Variants in HAUS6 observed in about 807,000 individuals in gnomAD.
HAUS6 encodes the protein HAUS augmin like complex subunit 6, also known as HAUS augmin-like complex subunit 6.
Under a neutral mutation model 106.8 loss-of-function variants are expected in HAUS6, and 80 were observed. The ratio of observed to expected loss-of-function variants is 0.75; its 90% CI spans 0.63 to 0.90. The LOEUF (loss-of-function observed/expected upper bound fraction) is 0.90, where lower values mean the gene tolerates loss of function less well. Among genes scored for constraint, HAUS6 ranks in the 40% least tolerant of loss-of-function variants. The probability of loss-of-function intolerance (pLI) is 0.00; values close to 1 mark genes in which losing one functional copy is unlikely to be tolerated. For missense variants in HAUS6, 1,155 were observed against 1,118.1 expected (o/e 1.03, Z -0.47); for synonymous variants, 356 against 379.1 (o/e 0.94, Z 0.71).
chr9:19,053,762 C>T lies in HAUS6; in HGVS notation c.*2581G>A, dbSNP rs1461593766. On this transcript the variant is annotated 3_prime_UTR_variant, in exon 17 of 17. Transcript: ENST00000380502. ...TAGAGTAATAAATTAGCCCTCTTTACCATTTATTCCATGATATAGGAGGCA... is the reference window on the plus strand; with the variant it reads ...TAGAGTAATAAATTAGCCCTCTTTATCATTTATTCCATGATATAGGAGGCA... The T allele has an allele frequency of 6.6e-6, 1 of 152,090 alleles. No individual in the cohort carries two copies. Among genetic ancestry groups the T allele is most frequent in the Non-Finnish European group, 1.5e-5 (1 of 67,994 alleles). 9.4% of individuals were successfully genotyped at this position (152,090 alleles called of 1,614,324 possible). A position where few individuals can be genotyped will look rare whatever the true frequency, so the allele number is the denominator to read the frequency against.
intron 2 of HAUS6, among the ~76,000 whole-genome samples, chr9:19,094,869 AT>A (rs1247136585): frequency 6.6e-6 from 1 of 152,106 alleles, no homozygotes; most frequent in African/African-American, 2.4e-5. Context: ...GAGAAATTTA[AT>A]TTTTTTATTT....
chr9:19,073,612 C>A (rs1443331738), intron 11 of HAUS6, among the ~76,000 whole-genome samples: 1 of 150,160 alleles, frequency 6.7e-6, no homozygotes, highest in Non-Finnish European at 1.5e-5. Flanking sequence ...CACAACACAA[C>A]CCTAAGAGCT....
At chr9:19,072,648 TA>T (rs1335608741) in intron 11 of HAUS6, among the ~76,000 whole-genome samples, 1 of 152,148 alleles carries the variant, frequency 6.6e-6, no homozygotes, top group Admixed American at 6.6e-5. Context: ...TATATCCAAC[TA>T]AACTATCATT....
At position 19,066,491 on chromosome 9, in the gene HAUS6, C is replaced by A. The variant is rs1240938012; in HGVS notation, c.1377-2911G>T. On this transcript the variant is annotated intron_variant, in intron 12 of 16. Transcript: ENST00000380502. Reference sequence around the variant, plus strand: ...TGCAAGATCATACTGCCCTCCTTATCTTTGAAATGTGGTATAGGAGAAAAC... The same window carrying A: ...TGCAAGATCATACTGCCCTCCTTATATTTGAAATGTGGTATAGGAGAAAAC... 3.3e-5 allele frequency among the ~76,000 whole-genome samples: 5 copies of A among 152,228 alleles called. 1 individual carries two copies. In the East Asian group the frequency reaches 9.7e-4, roughly 29 times the overall value.
At chr9:19,066,118 T>C (rs1384395794) in intron 12 of HAUS6, among the ~76,000 whole-genome samples, 1 of 151,784 alleles carries the variant, frequency 6.6e-6, no homozygotes, top group Non-Finnish European at 1.5e-5. Flanking sequence ...GTAGTTTTAA[T>C]AGGGACAGGG....
At chr9:19,096,516 G>C (rs1254928933) in intron 2 of HAUS6, among the ~76,000 whole-genome samples, 158 bp downstream of exon 2, 1 of 123,418 alleles carries the variant, frequency 8.1e-6, no homozygotes, top group South Asian at 2.6e-4. Flanking sequence ...AGTGAGCCTA[G>C]ATCACGCCAC....
intron 7 of HAUS6, among the ~76,000 whole-genome samples, chr9:19,085,421 T>C (rs947781729): frequency 1.3e-5 from 2 of 152,142 alleles, no homozygotes; most frequent in East Asian, 1.9e-4. Context: ...GTTCTCCTCA[T>C]TGTTGTAGCC....
intron 1 of HAUS6, among the ~76,000 whole-genome samples, chr9:19,097,013 A>G (rs1448957964): frequency 6.6e-6 from 1 of 152,176 alleles, no homozygotes; most frequent in Non-Finnish European, 1.5e-5. Context: ...TAATGAAAAC[A>G]CTCTACAGAA....
At chr9:19,085,756 A>G (rs920995807) in intron 7 of HAUS6, among the ~76,000 whole-genome samples, 1 of 152,048 alleles carries the variant, frequency 6.6e-6, no homozygotes, top group African/African-American at 2.4e-5. Flanking sequence ...TTCCTTTCAT[A>G]CTTAACATCT....
intron 8 of HAUS6, among the ~76,000 whole-genome samples, chr9:19,081,526 G>A (rs574297668): frequency 6.6e-5 from 10 of 151,722 alleles, no homozygotes; most frequent in South Asian, 4.2e-4. Context: ...TGCAGCCTCC[G>A]ACCCAAGCAT....
At position 19,094,311 on chromosome 9, in the gene HAUS6, A is replaced by T; in HGVS notation, c.303+6T>A. ...GTCTGTATCTTCTAACAAAAAGAAT[A>T]CTTACAGAAATCCTTTTTATCCATT... On this transcript the variant is annotated splice_donor_region_variant and intron_variant, in intron 3 of 16. Coordinates refer to ENST00000380502, the MANE Select transcript of HAUS6 (RefSeq NM_017645.5). The T allele has an allele frequency of 6.5e-7, 1 of 1,533,652 alleles. No individual in the cohort carries two copies. The highest frequency in any genetic ancestry group is 9.0e-7 in the Non-Finnish European group (1 of 1,112,444).
chr9:19,058,930 T>C lies in HAUS6; in HGVS notation c.1837A>G (p.Met613Val), dbSNP rs1405735188. The change falls in exon 16 of 17, where the codon ATG becomes GTG. Residue 613 changes from methionine (M) to valine (V), a missense_variant. This residue lies in a region of HAUS6 where 14 missense variants were observed against 33.2 expected (regional missense o/e 0.42). Transcript: ENST00000380502. ...AATACTTCTCTATGTTCAGCATCCA[T>C]TTGAATTGGTTCTTTAGTTCTGTTT... Reference protein sequence around the residue: ...EENRTKEPIQMDAEHREVLPE... With the variant: ...EENRTKEPIQVDAEHREVLPE... 6.3e-7 allele frequency: 1 copy of C among 1,597,382 alleles called. No individual in the cohort carries two copies. Among genetic ancestry groups the C allele is most frequent in the Admixed American group, 1.7e-5 (1 of 59,984 alleles).
intron 4 of HAUS6, among the ~76,000 whole-genome samples, chr9:19,090,390 A>T (rs1432651596): frequency 6.6e-6 from 1 of 152,038 alleles, no homozygotes; most frequent in Non-Finnish European, 1.5e-5. Flanking sequence ...TTTGAGACGG[A>T]GTCTCCCTCA....
chr9:19,084,893 A>G (rs1352687687), intron 7 of HAUS6, among the ~76,000 whole-genome samples: 6 of 151,746 alleles, frequency 4.0e-5, no homozygotes, highest in East Asian at 1.9e-4. Context: ...CGGCCTCCCA[A>G]AGTGCTCACA....
rs2131095093 is a variant in HAUS6, at chr9:19,058,247, C to A, written c.2520G>T (p.Leu840=). The change falls in exon 16 of 17, where the codon CTG becomes CTT. Residue 840 remains leucine, a synonymous_variant. Transcript: ENST00000380502. ...CCCTTTTCTTGGAAAGAGATTTCTT[C>A]AGAGCCTCGTATCTACTGCGAAGAG... ...LQALRSRYEA[L]KKSLSKKREE... 1 of 1,613,882 alleles carries A rather than the reference C, an allele frequency of 6.2e-7. No individual in the cohort carries two copies. The highest frequency in any genetic ancestry group is 8.5e-7 in the Non-Finnish European group (1 of 1,179,830).
chr9:19,098,973 T>C (rs1286460010), intron 1 of HAUS6, among the ~76,000 whole-genome samples: 3 of 135,162 alleles, frequency 2.2e-5, no homozygotes, highest in African/African-American at 5.6e-5. Flanking sequence ...GGTGAGGTCA[T>C]GCCATTGCAC....
At chr9:19,073,263 T>C (rs1836917321) in intron 11 of HAUS6, among the ~76,000 whole-genome samples, 2 of 152,184 alleles carry the variant, frequency 1.3e-5, no homozygotes, top group Admixed American at 1.3e-4. Context: ...AATATTATTC[T>C]CTGTACTTTT....
rs145576393 is a variant in HAUS6, at chr9:19,058,256, G to A, written c.2511C>T (p.Tyr837=). 246 of 1,613,686 alleles carry A rather than the reference G, an allele frequency of 1.5e-4. No individual in the cohort carries two copies. The Middle Eastern group carries it at 2.0e-3, about 13-fold the overall frequency. ...TGGAAAGAGATTTCTTCAGAGCCTC[G>A]TATCTACTGCGAAGAGCCTGTAAAT... is the stretch of plus-strand genomic sequence containing the variant. ...DFNLQALRSR[Y]EALKKSLSKK... Residue 837 remains tyrosine (Y), a synonymous_variant, in exon 16 of 17, where the codon TAC becomes TAT. Transcript: ENST00000380502.
intron 15 of HAUS6, among the ~76,000 whole-genome samples, chr9:19,059,474 T>C (rs1403904695): frequency 6.6e-6 from 1 of 152,146 alleles, no homozygotes. Flanking sequence ...ACACACAAGG[T>C]GGGGCCAAAT....
Sources: gnomAD v4.1 joint callset for allele counts (sites outside exome capture counted in the v4.1 genomes callset) on GRCh38, gnomAD v4.1.1 for gene constraint, gnomAD v4.1.1 regional missense constraint, MANE v1.5 for transcripts, NCBI Gene and HGNC (gene_info 2026-07-23, HGNC 2026-07-21) for gene names.